TANC2: variants seen among roughly 807,000 people sequenced by gnomAD.
TANC2 encodes the protein tetratricopeptide repeat, ankyrin repeat and coiled-coil containing 2, also known as protein TANC2.
In TANC2, 26 loss-of-function variants were observed where a neutral mutation model predicts 210.5. The observed-to-expected ratio is 0.12, with a 90% CI of 0.09 to 0.17. The LOEUF is 0.17. Among genes scored for constraint, TANC2 ranks in the 10% least tolerant of loss-of-function variants. TANC2 has a pLI of 1.00. For missense variants in TANC2, 2,129 were observed against 2,608.9 expected (o/e 0.82, Z 4.01); for synonymous variants, 931 against 967.1 (o/e 0.96, Z 0.69).
intron 18 of TANC2, 84 bp from the exon 19 acceptor site, chr17:63,398,737 C>T (rs1265715970): frequency 2.3e-6 from 2 of 883,234 alleles, no homozygotes; most frequent in Non-Finnish European, 3.5e-6. Flanking sequence ...TTGGATCATC[C>T]AAGCATCTTC....
At chr17:63,134,901 T>C (rs915607022) in intron 4 of TANC2, among the ~76,000 whole-genome samples, 2 of 152,148 alleles carry the variant, frequency 1.3e-5, no homozygotes, top group Non-Finnish European at 2.9e-5. Context: ...TTTCTTCCAA[T>C]TTAGGGGGCA....
intron 5 of TANC2, among the ~76,000 whole-genome samples, chr17:63,187,834 A>T (rs1479744603): frequency 6.6e-6 from 1 of 152,148 alleles, no homozygotes; most frequent in Non-Finnish European, 1.5e-5. Context: ...AAAATTCAAG[A>T]CAGAAGACAA....
chr17:62,974,902 A>G (rs1437895757), intron 1 of TANC2, among the ~76,000 whole-genome samples: 1 of 151,874 alleles, frequency 6.6e-6, no homozygotes, highest in Non-Finnish European at 1.5e-5. Context: ...ATAATAGTGG[A>G]AAACTTGTCA....
chr17:63,421,856 A>C lies in TANC2; in HGVS notation c.6126A>C (p.Ala2042=), dbSNP rs550657907. 3.5e-5 allele frequency: 56 copies of C among 1,614,044 alleles called. No individual in the cohort carries two copies. In the South Asian group the frequency reaches 5.6e-4, roughly 16 times the overall value. ...CTCGGACTCTACCTGTGGCTCAGGC[A>C]TACCAGGACAACCTGTACAGGCAGC... The change falls in exon 28 of 28, where the codon GCA becomes GCC. Residue 2042 remains alanine, a synonymous_variant. Transcript: ENST00000689528. This position sits in a 1 kb window ranked among gnomAD's most constrained non-coding sequence, Gnocchi z 6.9.
chr17:63,310,219 G>C (rs1005137083), intron 9 of TANC2, among the ~76,000 whole-genome samples: 2 of 152,182 alleles, frequency 1.3e-5, no homozygotes, highest in African/African-American at 4.8e-5. Context: ...GGCCAAGGCA[G>C]GTGGATCACT....
At chr17:63,290,304 C>G (rs922193926) in intron 9 of TANC2, among the ~76,000 whole-genome samples, 1 of 152,116 alleles carries the variant, frequency 6.6e-6, no homozygotes, top group Non-Finnish European at 1.5e-5. Context: ...AGCAATTTGT[C>G]AGTAGCAAGT....
intron 9 of TANC2, among the ~76,000 whole-genome samples, chr17:63,278,889 CTA>C (rs1415707333): frequency 3.9e-5 from 6 of 152,046 alleles, no homozygotes; most frequent in Admixed American, 3.9e-4. Flanking sequence ...CATGAGGCAT[CTA>C]AAGTAACCAT....
chr17:63,422,062 G>A, exon 28 of TANC2: 1 of 1,407,006 alleles, frequency 7.1e-7, no homozygotes, highest in South Asian at 1.4e-5. Flanking sequence ...TAGTTTCTGT[G>A]TGGTGTTCAG....
intron 3 of TANC2, among the ~76,000 whole-genome samples, chr17:63,078,957 A>G (rs1035737964): frequency 6.6e-6 from 1 of 152,186 alleles, no homozygotes; most frequent in Non-Finnish European, 1.5e-5. Context: ...TTTTCTTTCT[A>G]CTTGTTGAAC....
Position 63,122,553 on chromosome 17 carries a change from A to G in TANC2, c.322+23196A>G, listed in dbSNP as rs538394989. 3.9e-5 allele frequency among the ~76,000 whole-genome samples: 6 copies of G among 152,274 alleles called. No individual in the cohort carries two copies. The South Asian group carries it at 1.0e-3, about 26-fold the overall frequency. ...GGAGTTTGAGACCAGCCTGGTCAACATGGTGAAACCCCGTCTCTACTAAAA... is the reference window on the plus strand; with the variant it reads ...GGAGTTTGAGACCAGCCTGGTCAACGTGGTGAAACCCCGTCTCTACTAAAA... On this transcript the variant is annotated intron_variant, in intron 4 of 27. Transcript: ENST00000689528.
intron 4 of TANC2, among the ~76,000 whole-genome samples, chr17:63,121,743 G>A (rs1318379536): frequency 6.6e-6 from 1 of 152,012 alleles, no homozygotes; most frequent in East Asian, 1.9e-4. Context: ...TCACCTATAT[G>A]TATTCCCCAG....
intron 7 of TANC2, among the ~76,000 whole-genome samples, chr17:63,219,136 T>A (rs1353347061): frequency 6.6e-6 from 1 of 152,128 alleles, no homozygotes; most frequent in African/African-American, 2.4e-5. Flanking sequence ...ATATACCATG[T>A]TCAAAGATCA....
chr17:63,353,046 C>T (rs747023970), intron 13 of TANC2, among the ~76,000 whole-genome samples: 1 of 151,982 alleles, frequency 6.6e-6, no homozygotes, highest in Non-Finnish European at 1.5e-5. Flanking sequence ...TAGGAAAGGC[C>T]TCTCGTTTAA....
rs1472028693 is a variant in TANC2 at position 63,420,864 on chromosome 17, A to G, written c.5134A>G (p.Ile1712Val). Residue 1712 changes from isoleucine to valine, a missense_variant, in exon 28 of 28, where the codon ATC (isoleucine) becomes GTC (valine). Around this residue, in one of 5 missense-constraint regions of TANC2, gnomAD observed 584 missense variants for 627.3 expected, o/e 0.93. Transcript: ENST00000689528. The surrounding 1 kb of genome is among the most constrained non-coding windows in gnomAD (Gnocchi z 4.2). Reference sequence around the variant, plus strand: ...CCCAGCCGTCCATTCAAGCACCGTCATCCCCACAGGAGCCTATGGCCAAGT... The same window carrying G: ...CCCAGCCGTCCATTCAAGCACCGTCGTCCCCACAGGAGCCTATGGCCAAGT... 6.2e-7 allele frequency: 1 copy of G among 1,614,046 alleles called. No individual in the cohort carries two copies. The highest frequency in any genetic ancestry group is 8.5e-7 in the Non-Finnish European group (1 of 1,179,892).
At chr17:63,360,251 A>G (rs2046918431) in intron 14 of TANC2, among the ~76,000 whole-genome samples, 1 of 152,216 alleles carries the variant, frequency 6.6e-6, no homozygotes, top group South Asian at 2.1e-4. Context: ...CTGAAGCACA[A>G]ACTTGAGGTC....
intron 4 of TANC2, among the ~76,000 whole-genome samples, chr17:63,108,446 A>G (rs886884114): frequency 6.6e-6 from 1 of 151,862 alleles, no homozygotes; most frequent in Non-Finnish European, 1.5e-5. Flanking sequence ...AGCCGAGTGT[A>G]GAACCTCATA....
intron 12 of TANC2, among the ~76,000 whole-genome samples, chr17:63,345,063 T>C (rs1334395165): frequency 6.6e-6 from 1 of 152,152 alleles, no homozygotes; most frequent in African/African-American, 2.4e-5. Context: ...TCCAAATGAT[T>C]CCAACTTCCA....
intron 2 of TANC2, among the ~76,000 whole-genome samples, chr17:63,060,252 C>T (rs1228891122): frequency 1.3e-5 from 2 of 152,184 alleles, no homozygotes; most frequent in African/African-American, 4.8e-5. Flanking sequence ...TATTCTTCCC[C>T]ATTCACTTAT....
intron 2 of TANC2, among the ~76,000 whole-genome samples, chr17:63,071,655 A>T (rs890522086): frequency 5.3e-5 from 8 of 151,058 alleles, no homozygotes; most frequent in African/African-American, 1.7e-4. Context: ...TGGGAAAAAC[A>T]TTTTTTTTTC....
Sources: allele counts gnomAD v4.1 joint callset (sites outside exome capture counted in the v4.1 genomes callset), GRCh38; gene constraint gnomAD v4.1.1; regional missense constraint gnomAD v4.1.1; non-coding constraint Gnocchi (gnomAD v3.1); transcripts MANE v1.5; gene names NCBI Gene and HGNC (gene_info 2026-07-23, HGNC 2026-07-21).